Variants in IMMP2L observed in about 807,000 individuals in gnomAD.
IMMP2L encodes the protein inner mitochondrial membrane peptidase subunit 2, also known as mitochondrial inner membrane protease subunit 2.
A neutral mutation model predicts 19.3 loss-of-function variants in IMMP2L; 18 were observed. The observed-to-expected ratio is 0.93, with a 90% confidence interval of 0.64 to 1.38. The LOEUF (loss-of-function observed/expected upper bound fraction) is 1.38. IMMP2L is among the 40% of genes most tolerant of loss of function. IMMP2L has a pLI of 0.00. For synonymous variants in IMMP2L, 76 were observed against 73.0 expected, an observed-to-expected ratio of 1.04 and a Z score of -0.21; for missense variants, 233 against 218.2, an observed-to-expected ratio of 1.07 and a Z score of -0.43.
intron 3 of IMMP2L, among the ~76,000 whole-genome samples, chr7:111,083,129 A>C (rs191245381): frequency 6.6e-6 from 1 of 152,326 alleles, no homozygotes; most frequent in Middle Eastern, 3.4e-3. Flanking sequence ...AGTTTTATGT[A>C]TGTGTATCGA....
intron 3 of IMMP2L, among the ~76,000 whole-genome samples, chr7:111,251,258 G>A (rs1394144195): frequency 6.6e-6 from 1 of 152,088 alleles, no homozygotes; most frequent in Non-Finnish European, 1.5e-5. Context: ...ACAAATGATG[G>A]CCAGATTGCA....
intron 5 of IMMP2L, among the ~76,000 whole-genome samples, chr7:110,869,133 G>C (rs1352849404): frequency 6.6e-6 from 1 of 151,968 alleles, no homozygotes; most frequent in Non-Finnish European, 1.5e-5. Context: ...CCAGAGTTCA[G>C]GAAAATCAAC....
chr7:110,963,623 GA>G, intron 3 of IMMP2L, 58 bp from the exon 4 acceptor site: 1 of 1,084,642 alleles, frequency 9.2e-7, no homozygotes, highest in Non-Finnish European at 1.4e-6. Context: ...TTAGGAAGAT[GA>G]AAAGAAATTC....
At chr7:111,143,161 T>C (rs1042452615) in intron 3 of IMMP2L, among the ~76,000 whole-genome samples, 1 of 152,170 alleles carries the variant, frequency 6.6e-6, no homozygotes, top group Non-Finnish European at 1.5e-5. Flanking sequence ...AAACTGCCAT[T>C]TTATTACACA....
At chr7:111,157,847 T>C (rs1252550739) in intron 3 of IMMP2L, among the ~76,000 whole-genome samples, 1 of 151,902 alleles carries the variant, frequency 6.6e-6, no homozygotes, top group Non-Finnish European at 1.5e-5. Context: ...CCCCTAAATA[T>C]ATATACCTAC....
At chr7:110,858,807 T>G (rs1045206012) in intron 5 of IMMP2L, among the ~76,000 whole-genome samples, 2 of 151,182 alleles carry the variant, frequency 1.3e-5, no homozygotes, top group African/African-American at 4.8e-5. Context: ...CCTGTGTCCA[T>G]GTGTTCTCAT....
intron 3 of IMMP2L, among the ~76,000 whole-genome samples, chr7:111,474,114 T>G (rs1781172075): frequency 6.6e-6 from 1 of 151,984 alleles, no homozygotes; most frequent in African/African-American, 2.4e-5. Flanking sequence ...AAGTGGGAGC[T>G]AAACATTGGT....
intron 3 of IMMP2L, among the ~76,000 whole-genome samples, chr7:111,182,172 C>G (rs937926631): frequency 3.3e-5 from 5 of 151,962 alleles, no homozygotes; most frequent in Non-Finnish European, 5.9e-5. Context: ...TCAAATCTAT[C>G]TAACTGTCCA....
intron 3 of IMMP2L, among the ~76,000 whole-genome samples, chr7:111,340,263 G>A (rs143395951): frequency 3.0e-4 from 46 of 151,848 alleles, no homozygotes; most frequent in African/African-American, 1.1e-3. Context: ...TTTTTGTTCT[G>A]TTACAGACTT....
chr7:111,350,245 C>T (rs1469889832), intron 3 of IMMP2L, among the ~76,000 whole-genome samples: 2 of 151,840 alleles, frequency 1.3e-5, no homozygotes, highest in Non-Finnish European at 2.9e-5. Context: ...GGATTATAGG[C>T]GTGAGCCACC....
intron 3 of IMMP2L, among the ~76,000 whole-genome samples, chr7:111,160,585 C>T (rs1486065239): frequency 1.3e-5 from 2 of 151,410 alleles, no homozygotes; most frequent in Non-Finnish European, 3.0e-5. Flanking sequence ...AGTTTAATGA[C>T]TTAAATTTTT....
intron 4 of IMMP2L, among the ~76,000 whole-genome samples, chr7:110,892,842 C>A (rs1810944826): frequency 6.6e-6 from 1 of 152,120 alleles, no homozygotes; most frequent in Admixed American, 6.6e-5. Flanking sequence ...TCAACAGTCA[C>A]ATAATCACTA....
chr7:111,299,326 T>A (rs1018262533), intron 3 of IMMP2L, among the ~76,000 whole-genome samples: 1 of 152,148 alleles, frequency 6.6e-6, no homozygotes, highest in African/African-American at 2.4e-5. Context: ...CCGGCCAGAA[T>A]ACCAAACAGT....
intron 5 of IMMP2L, among the ~76,000 whole-genome samples, chr7:110,844,485 G>GA (rs1356354189): frequency 6.6e-6 from 1 of 151,588 alleles, no homozygotes; most frequent in Non-Finnish European, 1.5e-5. Context: ...TTTGCACCCA[G>GA]AAAAAAAGAA....
chr7:110,959,189 A>G (rs1449833886), intron 4 of IMMP2L, among the ~76,000 whole-genome samples: 1 of 151,998 alleles, frequency 6.6e-6, no homozygotes, highest in Non-Finnish European at 1.5e-5. Flanking sequence ...TGATCATTTT[A>G]TGAAATATCA....
intron 3 of IMMP2L, among the ~76,000 whole-genome samples, chr7:111,147,418 G>A (rs1232130429): frequency 1.3e-5 from 2 of 152,100 alleles, no homozygotes; most frequent in African/African-American, 2.4e-5. Context: ...AGCATTGACT[G>A]AAAGTTGTCT....
chr7:111,103,449 T>C (rs1798197619), intron 3 of IMMP2L, among the ~76,000 whole-genome samples: 1 of 151,730 alleles, frequency 6.6e-6, no homozygotes, highest in Non-Finnish European at 1.5e-5. Flanking sequence ...CTAAGACATG[T>C]CATATAACTA....
At chr7:111,114,697 A>G (rs1278441804) in intron 3 of IMMP2L, among the ~76,000 whole-genome samples, 1 of 148,794 alleles carries the variant, frequency 6.7e-6, no homozygotes. Context: ...CCGAGATCGC[A>G]CCACTGCCCT....
At chr7:110,814,867 T>C (rs912824960) in intron 5 of IMMP2L, among the ~76,000 whole-genome samples, 3 of 151,922 alleles carry the variant, frequency 2.0e-5, no homozygotes, top group Admixed American at 6.6e-5. Context: ...AAATTTGTTA[T>C]GATATTTAAT....
Sources: gnomAD v4.1 joint callset for allele counts (sites outside exome capture counted in the v4.1 genomes callset) on GRCh38, gnomAD v4.1.1 for gene constraint, MANE v1.5 for transcripts, NCBI Gene and HGNC (gene_info 2026-07-23, HGNC 2026-07-21) for gene names.